CTPS2: variants seen among roughly 807,000 people sequenced by gnomAD.
The protein encoded by CTPS2 is CTP synthase 2, also known as CTP synthase II.
In CTPS2, 19 loss-of-function variants were observed where a neutral mutation model predicts 46.8. The observed-to-expected ratio is 0.41, with a 90% CI of 0.28 to 0.60. The LOEUF (loss-of-function observed/expected upper bound fraction) is 0.60, where lower values mean the gene tolerates loss of function less well. CTPS2 is among the 20% of genes least tolerant of loss of function. The probability of loss-of-function intolerance (pLI) is 0.35; values close to 1 mark genes in which losing one functional copy is unlikely to be tolerated. For missense variants in CTPS2, 286 were observed against 447.6 expected (o/e 0.64, Z 3.26); for synonymous variants, 151 against 165.2 (o/e 0.91, Z 0.66).
rs192623630 is a variant in CTPS2, at chrX:16,664,627, A to C, written c.1296+2887T>G. Among the ~76,000 whole-genome samples the C allele has an allele frequency of 2.9e-4, 32 of 112,195 alleles. 1 individual carries two copies. The East Asian group carries it at 7.8e-3, about 27-fold the overall frequency. The stretch of plus-strand genomic sequence containing the variant: ...ATGTAAAAAATGGGAAGATGAACCA[A>C]GAAAAAAAAGAATGAATGCTTGCCA... On this transcript the variant is annotated intron_variant, in intron 13 of 18. Transcript: ENST00000359276.
chrX:16,623,271 T>TACAA (rs1438650326), intron 14 of CTPS2, among the ~76,000 whole-genome samples: 1 of 111,878 alleles, frequency 8.9e-6, no homozygotes, highest in Non-Finnish European at 1.9e-5. Flanking sequence ...ACAATCCAAT[T>TACAA]ACTCTCTCTT....
intron 17 of CTPS2, among the ~76,000 whole-genome samples, chrX:16,608,397 G>A (rs1241492967): frequency 2.8e-5 from 3 of 108,554 alleles, no homozygotes; most frequent in African/African-American, 1.0e-4. Context: ...GACCAGCCTG[G>A]ACAATATAGT....
intron 6 of CTPS2, among the ~76,000 whole-genome samples, chrX:16,692,212 GCAGGAGGATTGGTTGAACC>G: frequency 9.1e-6 from 1 of 110,450 alleles, no homozygotes; most frequent in Non-Finnish European, 1.9e-5. Context: ...GGAGGCCAAG[GCAGGAGGATTGGTTGAACC>G]CAGGAGTTCG....
At chrX:16,691,856 G>A (rs1345511300) in intron 6 of CTPS2, among the ~76,000 whole-genome samples, 1 of 112,150 alleles carries the variant, frequency 8.9e-6, no homozygotes, top group African/African-American at 3.2e-5. Context: ...GCTCACAAGT[G>A]TTGCTTCATT....
intron 3 of CTPS2, among the ~76,000 whole-genome samples, chrX:16,698,553 TTTG>T (rs1223548802): frequency 2.8e-4 from 18 of 63,982 alleles, no homozygotes; most frequent in Non-Finnish European, 4.3e-4. Flanking sequence ...TTGGCTTTGT[TTTG>T]TTTTTTTTTT....
intron 14 of CTPS2, among the ~76,000 whole-genome samples, chrX:16,636,093 AC>A (rs1221362750): frequency 8.9e-6 from 1 of 112,264 alleles, no homozygotes; most frequent in Admixed American, 9.5e-5. Flanking sequence ...TAGCAAAAAA[AC>A]ATTATGCTAG....
chrX:16,633,399 T>A (rs776754012), intron 14 of CTPS2, among the ~76,000 whole-genome samples: 1 of 111,893 alleles, frequency 8.9e-6, no homozygotes, highest in African/African-American at 3.2e-5. Flanking sequence ...GAACTAAGAA[T>A]GGTTTTTACA....
At chrX:16,620,423 T>C in intron 14 of CTPS2, 91 bp from the exon 15 acceptor site, 1 of 618,191 alleles carries the variant, frequency 1.6e-6, no homozygotes, top group Non-Finnish European at 2.6e-6. Context: ...CCTGGATCAC[T>C]ATCTATCTAT....
At chrX:16,634,667 G>A (rs1387359752) in intron 14 of CTPS2, among the ~76,000 whole-genome samples, 2 of 112,025 alleles carry the variant, frequency 1.8e-5, no homozygotes, top group Non-Finnish European at 3.8e-5. Context: ...AGTTAGGCTC[G>A]GCTGGGTGCA....
chrX:16,708,052 C>T (rs1035251242), intron 1 of CTPS2, among the ~76,000 whole-genome samples: 10 of 112,234 alleles, frequency 8.9e-5, no homozygotes, highest in Non-Finnish European at 1.7e-4. Flanking sequence ...ATAAATTTCA[C>T]TTTCATTTGT....
intron 13 of CTPS2, among the ~76,000 whole-genome samples, chrX:16,644,070 G>A (rs187608808): frequency 2.7e-3 from 305 of 111,066 alleles, no homozygotes; most frequent in African/African-American, 9.2e-3. Context: ...AAAGATATCC[G>A]CATCCTAGTC....
At position 16,603,722 on chromosome X, in the gene CTPS2, T is replaced by TC. The variant is rs750811022; in HGVS notation, c.1691+5818_1691+5819insG. 1.4e-4 allele frequency among the ~76,000 whole-genome samples: 16 copies of TC among 110,730 alleles called. No individual in the cohort carries two copies. In the East Asian group the frequency reaches 3.9e-3, roughly 27 times the overall value. ...TGGTGGGTTTGTGGGTGCTTTTTTTTTCTCTCTCTCTCTTTTCTAAATTTT... is the reference window on the plus strand; with the variant it reads ...TGGTGGGTTTGTGGGTGCTTTTTTTTCTCTCTCTCTCTCTTTTCTAAATTTT... On this transcript the variant is annotated intron_variant, in intron 17 of 18. Transcript: ENST00000359276.
At chrX:16,654,292 G>A in intron 13 of CTPS2, 1 of 460,028 alleles carries the variant, frequency 2.2e-6, no homozygotes, top group Non-Finnish European at 3.7e-6. Context: ...CTGGAAACCT[G>A]AGCTGCCTTC....
At chrX:16,598,660 A>G (rs1235671081) in intron 17 of CTPS2, among the ~76,000 whole-genome samples, 4 of 111,662 alleles carry the variant, frequency 3.6e-5, no homozygotes, top group African/African-American at 1.3e-4. Context: ...TCCTTCTGAA[A>G]CTATTCCAAT....
intron 17 of CTPS2, among the ~76,000 whole-genome samples, chrX:16,597,336 T>G (rs1468177976): frequency 8.9e-6 from 1 of 112,020 alleles, no homozygotes; most frequent in Non-Finnish European, 1.9e-5. Flanking sequence ...GGTCTAACGT[T>G]TAAGTCTTTA....
intron 13 of CTPS2, among the ~76,000 whole-genome samples, chrX:16,644,829 C>T (rs1932237675): frequency 8.9e-6 from 1 of 112,550 alleles, no homozygotes; most frequent in Admixed American, 9.4e-5. Context: ...GCTTTAACTT[C>T]CTCTATTATT....
In CTPS2 at chrX:16,646,457, G is replaced by A. The variant is rs891962593; in HGVS notation, c.1297-7214C>T. Among the ~76,000 whole-genome samples, 3 of 112,593 alleles carry A rather than the reference G, an allele frequency of 2.7e-5. No individual in the cohort carries two copies. The Admixed American group carries it at 2.8e-4, about 11-fold the overall frequency. ...ACGCACTCAAGAAGCACAGGCTATG[G>A]TCAGGAGACCTCTGGGAACTCAACT... On this transcript the variant is annotated intron_variant, in intron 13 of 18. Transcript: ENST00000359276.
chrX:16,644,033 G>C (rs1227633573), intron 13 of CTPS2, among the ~76,000 whole-genome samples: 2 of 111,595 alleles, frequency 1.8e-5, no homozygotes, highest in South Asian at 3.8e-4. Flanking sequence ...CTCATAGTAG[G>C]AGACTGAATA....
At chrX:16,619,992 A>G (rs1169841554) in intron 15 of CTPS2, among the ~76,000 whole-genome samples, 2 of 111,381 alleles carry the variant, frequency 1.8e-5, no homozygotes, top group African/African-American at 6.5e-5. Flanking sequence ...GATCTAGAAG[A>G]TGGCAGTTAG....
Sources: allele counts gnomAD v4.1 joint callset (sites outside exome capture counted in the v4.1 genomes callset), GRCh38; gene constraint gnomAD v4.1.1; transcripts MANE v1.5; gene names NCBI Gene and HGNC (gene_info 2026-07-23, HGNC 2026-07-21).